Variants in GPCPD1 observed in about 807,000 individuals in gnomAD.
The protein encoded by GPCPD1 is glycerophosphocholine phosphodiesterase GPCPD1.
GPCPD1 carries 29 observed loss-of-function variants against 89.2 expected under a neutral mutation model. That is an observed-to-expected ratio of 0.33 (90% CI 0.24 to 0.44). The LOEUF (loss-of-function observed/expected upper bound fraction) is 0.44, where lower values mean the gene tolerates loss of function less well. Among genes scored for constraint, GPCPD1 ranks in the 20% least tolerant of loss-of-function variants. The probability of loss-of-function intolerance (pLI) is 1.00; values close to 1 mark genes in which losing one functional copy is unlikely to be tolerated. For synonymous variants in GPCPD1, 258 were observed against 266.3 expected (o/e 0.97, Z 0.30); for missense variants, 594 against 808.9 (o/e 0.73, Z 3.22).
chr20:5,578,721 C>T (rs571696061), intron 7 of GPCPD1, 110 bp from the exon 8 acceptor site: 9 of 659,502 alleles, frequency 1.4e-5, no homozygotes, highest in East Asian at 1.1e-4. Flanking sequence ...GCTAAATCTT[C>T]GAATAACAAA....
chr20:5,566,797 A>C, intron 13 of GPCPD1, 25 bp from the exon 14 acceptor site: 1 of 1,514,386 alleles, frequency 6.6e-7, no homozygotes, highest in Non-Finnish European at 9.2e-7. Flanking sequence ...AACAAAATGA[A>C]ATCAGAAAGG....
chr20:5,566,140 TA>T (rs1986384919), intron 14 of GPCPD1, among the ~76,000 whole-genome samples: 1 of 152,200 alleles, frequency 6.6e-6, no homozygotes, highest in Non-Finnish European at 1.5e-5. Flanking sequence ...CAATTACAGA[TA>T]AACACCTATA....
At chr20:5,595,237 GTA>G (rs1003660267) in intron 3 of GPCPD1, among the ~76,000 whole-genome samples, 1 of 152,116 alleles carries the variant, frequency 6.6e-6, no homozygotes, top group African/African-American at 2.4e-5. Context: ...CATGGAACAT[GTA>G]TATATATGTA....
In GPCPD1 at chr20:5,580,035, T is replaced by C. The variant is rs770473580; in HGVS notation, c.446A>G (p.Lys149Arg). 6.5e-7 allele frequency: 1 copy of C among 1,535,220 alleles called. No individual in the cohort carries two copies. Among genetic ancestry groups the C allele is most frequent in the East Asian group, 2.3e-5 (1 of 44,376 alleles). Residue 149 changes from lysine (K) to arginine (R), a missense_variant, in exon 7 of 20, where the codon AAG (lysine) becomes AGG (arginine). Physicochemically the swap from Lys to Arg is conservative, Grantham distance 26 (BLOSUM62 2). Transcript: ENST00000379019. Reference sequence around the variant, plus strand: ...AAATCTAGATTTTTTTAATTTTTTCTTGGTTATTGACACAGGAGGTTTTTC... The same window carrying C: ...AAATCTAGATTTTTTTAATTTTTTCCTGGTTATTGACACAGGAGGTTTTTC... ...YSEKPPVSIT[K>R]KKLKKSRFRV...
intron 3 of GPCPD1, 140 bp from the exon 4 acceptor site, chr20:5,593,551 C>T (rs1485130828): frequency 1.7e-6 from 1 of 579,236 alleles, no homozygotes; most frequent in Non-Finnish European, 3.1e-6. Flanking sequence ...TACAGGCCTA[C>T]TCTGTAGCAG....
chr20:5,563,215 G>A (rs750555703), intron 15 of GPCPD1, among the ~76,000 whole-genome samples: 1 of 151,992 alleles, frequency 6.6e-6, no homozygotes. Context: ...CCCTGACCTC[G>A]TGATCCACCT....
chr20:5,593,661 C>G (rs939330715), intron 3 of GPCPD1, among the ~76,000 whole-genome samples: 1 of 152,146 alleles, frequency 6.6e-6, no homozygotes, highest in African/African-American at 2.4e-5. Flanking sequence ...AGAAGATAGA[C>G]AGAACGAAGT....
At chr20:5,581,591 C>CATAA (rs1326168477) in intron 6 of GPCPD1, among the ~76,000 whole-genome samples, 1 of 152,066 alleles carries the variant, frequency 6.6e-6, no homozygotes, top group Non-Finnish European at 1.5e-5. Context: ...TATATTCTGC[C>CATAA]ATAAATAAAC....
intron 15 of GPCPD1, 150 bp downstream of exon 15, chr20:5,564,867 A>G (rs1420489166): frequency 6.2e-6 from 4 of 647,776 alleles, no homozygotes; most frequent in Admixed American, 2.5e-5. Flanking sequence ...CACACAAAGT[A>G]TCTTCTCTAA....
chr20:5,549,013 G>A (rs761805722), intron 19 of GPCPD1: 9 of 703,860 alleles, frequency 1.3e-5, no homozygotes, highest in Non-Finnish European at 1.9e-5. Context: ...CAAACCTGCC[G>A]CTGATCTCTA....
intron 3 of GPCPD1, among the ~76,000 whole-genome samples, chr20:5,597,379 T>C (rs1273331235): frequency 2.0e-5 from 3 of 152,210 alleles, no homozygotes; most frequent in Non-Finnish European, 4.4e-5. Flanking sequence ...ACTCAACCTG[T>C]CTGGTGACCA....
intron 19 of GPCPD1, among the ~76,000 whole-genome samples, chr20:5,550,261 T>A (rs1600706963): frequency 9.1e-6 from 1 of 110,104 alleles, no homozygotes; most frequent in Non-Finnish European, 1.9e-5. Context: ...AAAGTAAGAT[T>A]GAGAAAACCT....
chr20:5,578,890 A>T (rs1249640107), intron 7 of GPCPD1, among the ~76,000 whole-genome samples: 3 of 152,200 alleles, frequency 2.0e-5, no homozygotes, highest in Admixed American at 6.5e-5. Context: ...TCATTAAAAA[A>T]AAATAAATAA....
chr20:5,559,868 C>T, intron 17 of GPCPD1, 72 bp downstream of exon 17: 1 of 759,358 alleles, frequency 1.3e-6, no homozygotes, highest in South Asian at 2.4e-5. Context: ...ACAACTACCC[C>T]ACCTCCAGAC....
chr20:5,579,696 A>G (rs1234390985), intron 7 of GPCPD1, among the ~76,000 whole-genome samples: 1 of 152,222 alleles, frequency 6.6e-6, no homozygotes, highest in Non-Finnish European at 1.5e-5. Flanking sequence ...CGCCCGACAC[A>G]TTATATCAAT....
rs146891103 is a variant in GPCPD1, at chr20:5,558,925, G to A, written c.1533-106C>T. 2.6e-3 allele frequency: 2,092 copies of A among 801,270 alleles called. 30 individuals are homozygous for A. The African/African-American group carries it at 0.028, about 11-fold the overall frequency. The allele number at this position is 801,270 out of a possible 1,614,324, so 49.6% of individuals were successfully genotyped here. A position where few individuals can be genotyped will look rare whatever the true frequency, so the allele number is the denominator to read the frequency against. On this transcript the variant is annotated intron_variant, in intron 17 of 19. Transcript: ENST00000379019. Reference sequence around the variant, plus strand: ...AAGTATAAAGAAAACAAACGAGGCCGGGCATGGTGGCTCACACCTGTAATC... The same window carrying A: ...AAGTATAAAGAAAACAAACGAGGCCAGGCATGGTGGCTCACACCTGTAATC...
rs1204704019 is a variant in GPCPD1 at position 5,566,739 on chromosome 20, G to A, written c.1261C>T (p.Arg421Trp). The change falls in exon 14 of 20, where the codon CGG (arginine) becomes TGG (tryptophan). Residue 421 changes from arginine to tryptophan, a missense_variant. Transcript: ENST00000379019. ...TTTCCATATTGGTACATACCTTTCC[G>A]ATCCTTAGATTTCAGTGCAGTCACA... ...THVTALKSKD[R>W]KESVVQEENS... The A allele has an allele frequency of 1.1e-5, 18 of 1,570,152 alleles. No individual in the cohort carries two copies. Among genetic ancestry groups the A allele is most frequent in the African/African-American group, 2.7e-5 (2 of 74,014 alleles).
At position 5,582,208 on chromosome 20, in the gene GPCPD1, A is replaced by C. The variant is rs890137889; in HGVS notation, c.349+2073T>G. Among the ~76,000 whole-genome samples the C allele has an allele frequency of 9.0e-5, 13 of 144,914 alleles. No individual in the cohort carries two copies. The South Asian group carries it at 2.1e-3, about 24-fold the overall frequency. ...TCTCAAAAAAAAAAAAAAAAAAAAAAAAAAAAAAAAACTACTACTCCATAA... is the reference window on the plus strand; with the variant it reads ...TCTCAAAAAAAAAAAAAAAAAAAAACAAAAAAAAAAACTACTACTCCATAA... On this transcript the variant is annotated intron_variant, in intron 6 of 19. Transcript: ENST00000379019.
At chr20:5,580,269 G>A (rs1978364679) in intron 6 of GPCPD1, 138 bp from the exon 7 acceptor site, 1 of 525,970 alleles carries the variant, frequency 1.9e-6, no homozygotes, top group Admixed American at 3.7e-5. Context: ...ATTTTTTAAT[G>A]AGATCTAATC....
Sources: allele counts gnomAD v4.1 joint callset (sites outside exome capture counted in the v4.1 genomes callset), GRCh38; gene constraint gnomAD v4.1.1; transcripts MANE v1.5; gene names NCBI Gene and HGNC (gene_info 2026-07-23, HGNC 2026-07-21).